The following HS3ST4 variants were observed in gnomAD, a reference collection of about 807,000 sequenced individuals.
HS3ST4 encodes heparan sulfate glucosamine 3-O-sulfotransferase 4.
HS3ST4 carries 17 observed loss-of-function variants against 29.2 expected under a neutral mutation model. That is an observed-to-expected ratio of 0.58 (90% CI 0.40 to 0.87). HS3ST4 has a LOEUF of 0.87. Among genes scored for constraint, HS3ST4 ranks in the 40% least tolerant of loss-of-function variants. The pLI, the probability that HS3ST4 is intolerant of heterozygous loss-of-function variation, is 0.00. For missense variants in HS3ST4, 627 were observed against 634.5 expected, an observed-to-expected ratio of 0.99 and a Z score of 0.13; for synonymous variants, 314 against 285.7, an observed-to-expected ratio of 1.10 and a Z score of -1.00.
At chr16:25,986,002 G>C (rs552792020) in intron 1 of HS3ST4, among the ~76,000 whole-genome samples, 5 of 152,180 alleles carry the variant, frequency 3.3e-5, no homozygotes, top group African/African-American at 1.2e-4. Context: ...TCCCCTTAAA[G>C]CCTACATTAA....
At chr16:25,700,061 A>G (rs1966324685) in intron 1 of HS3ST4, among the ~76,000 whole-genome samples, 1 of 152,078 alleles carries the variant, frequency 6.6e-6, no homozygotes, top group African/African-American at 2.4e-5. Flanking sequence ...TTTTCATTTA[A>G]ATGTAGTCTT....
At chr16:26,123,732 G>A (rs1249614551) in intron 1 of HS3ST4, among the ~76,000 whole-genome samples, 1 of 151,992 alleles carries the variant, frequency 6.6e-6, no homozygotes, top group Non-Finnish European at 1.5e-5. Flanking sequence ...CACCTTCATA[G>A]CTTAGCTCCC....
chr16:25,900,003 A>T (rs1011016250), intron 1 of HS3ST4, among the ~76,000 whole-genome samples: 1 of 152,210 alleles, frequency 6.6e-6, no homozygotes, highest in Admixed American at 6.5e-5. Context: ...TTCCTGGTTA[A>T]ATAAATCATA....
intron 1 of HS3ST4, among the ~76,000 whole-genome samples, chr16:26,133,959 GT>G (rs1458912954): frequency 3.3e-5 from 5 of 152,158 alleles, no homozygotes; most frequent in Non-Finnish European, 7.3e-5. Flanking sequence ...TATTGAACAG[GT>G]TTATCTTCAA....
intron 1 of HS3ST4, among the ~76,000 whole-genome samples, chr16:25,707,022 G>C (rs543814363): frequency 7.0e-4 from 106 of 152,140 alleles, no homozygotes; most frequent in Non-Finnish European, 1.2e-3. Context: ...TGCCACCCAG[G>C]ATGTGAATTA....
intron 1 of HS3ST4, among the ~76,000 whole-genome samples, chr16:25,958,250 C>A (rs925599910): frequency 5.3e-5 from 8 of 152,170 alleles, no homozygotes; most frequent in Non-Finnish European, 8.8e-5. Flanking sequence ...AAGAAATCAC[C>A]CTGAAACTTA....
intron 1 of HS3ST4, among the ~76,000 whole-genome samples, chr16:25,871,548 G>T (rs936486158): frequency 6.6e-6 from 1 of 152,042 alleles, no homozygotes; most frequent in East Asian, 1.9e-4. Context: ...GGTGAACCCG[G>T]TACTTGTACG....
intron 1 of HS3ST4, among the ~76,000 whole-genome samples, chr16:25,762,248 C>T (rs545865540): frequency 1.3e-5 from 2 of 152,322 alleles, no homozygotes; most frequent in African/African-American, 4.8e-5. Context: ...TATTCCGTTA[C>T]AGCAGCACAG....
intron 1 of HS3ST4, among the ~76,000 whole-genome samples, chr16:25,827,323 G>T (rs78601925): frequency 0.086 from 13,081 of 152,086 alleles, 696 homozygotes; most frequent in African/African-American, 0.15. Context: ...CTTCGTTCAA[G>T]CAATAAGCAG....
chr16:25,762,226 CAG>C (rs1211775790), intron 1 of HS3ST4, among the ~76,000 whole-genome samples: 4 of 152,150 alleles, frequency 2.6e-5, no homozygotes, highest in Non-Finnish European at 4.4e-5. Context: ...TTTAAGCCAA[CAG>C]AGTCTATGGT....
At chr16:25,922,504 G>A (rs1177170700) in intron 1 of HS3ST4, among the ~76,000 whole-genome samples, 1 of 152,192 alleles carries the variant, frequency 6.6e-6, no homozygotes, top group African/African-American at 2.4e-5. Flanking sequence ...CCCAGGCTAT[G>A]GTGTTTTGTT....
At position 26,031,542 on chromosome 16, in the gene HS3ST4, C is replaced by T. The variant is rs147077470; in HGVS notation, c.735-104070C>T. ...AAAGGCAAGCTTGATTATCGTTGCA[C>T]TTATTTTGACTAGGCGAGTGTTAGA... On this transcript the variant is annotated intron_variant, in intron 1 of 1. Coordinates refer to ENST00000331351, the MANE Select transcript of HS3ST4 (RefSeq NM_006040.3). Among the ~76,000 whole-genome samples, 15 of 152,184 alleles carry T rather than the reference C, an allele frequency of 9.9e-5. 1 individual carries two copies. In the East Asian group the frequency reaches 2.7e-3, roughly 27 times the overall value.
At position 26,135,957 on chromosome 16, in the gene HS3ST4, C is replaced by G; in HGVS notation, c.1080C>G (p.Leu360=). 6.2e-7 allele frequency: 1 copy of G among 1,613,984 alleles called. No individual in the cohort carries two copies. Among genetic ancestry groups the G allele is most frequent in the Non-Finnish European group, 8.5e-7 (1 of 1,179,874 alleles). ...TCCTCTTTGTCAGTGGTGAGCGACT[C>G]ATTGTGGACCCCGCCGGGGAAATGG... The part of the protein sequence containing the change: ...SQILFVSGER[L]IVDPAGEMAK... The change falls in exon 2 of 2, where the codon CTC becomes CTG. Residue 360 remains leucine, a synonymous_variant. Coordinates refer to ENST00000331351, the MANE Select transcript of HS3ST4 (RefSeq NM_006040.3).
chr16:25,748,491 A>G (rs937949533), intron 1 of HS3ST4, among the ~76,000 whole-genome samples: 11 of 152,186 alleles, frequency 7.2e-5, no homozygotes, highest in Non-Finnish European at 5.9e-5. Flanking sequence ...ATATTATGCA[A>G]ACATTAAGAA....
chr16:26,133,406 C>G (rs1899445102), intron 1 of HS3ST4, among the ~76,000 whole-genome samples: 1 of 152,106 alleles, frequency 6.6e-6, no homozygotes, highest in Admixed American at 6.5e-5. Flanking sequence ...AATCTGATTC[C>G]CAGGGGCTGC....
chr16:25,902,662 A>T (rs1045121470), intron 1 of HS3ST4, among the ~76,000 whole-genome samples: 2 of 152,122 alleles, frequency 1.3e-5, no homozygotes, highest in African/African-American at 4.8e-5. Context: ...CTCTGGGTAC[A>T]GAAGGGAGGT....
At chr16:25,889,810 T>C (rs1288454329) in intron 1 of HS3ST4, among the ~76,000 whole-genome samples, 2 of 152,120 alleles carry the variant, frequency 1.3e-5, no homozygotes, top group African/African-American at 4.8e-5. Flanking sequence ...TAGGAGGTAA[T>C]TGAATCATTG....
intron 1 of HS3ST4, among the ~76,000 whole-genome samples, chr16:25,748,714 A>T (rs1036196118): frequency 6.6e-6 from 1 of 152,246 alleles, no homozygotes; most frequent in Non-Finnish European, 1.5e-5. Context: ...GTCCTAGGTT[A>T]ACTGATTGAA....
chr16:25,903,385 A>C (rs898226846), intron 1 of HS3ST4, among the ~76,000 whole-genome samples: 1 of 146,854 alleles, frequency 6.8e-6, no homozygotes, highest in Non-Finnish European at 1.5e-5. Context: ...ATATATATAA[A>C]ATCACATATC....
Sources: allele counts gnomAD v4.1 joint callset (sites outside exome capture counted in the v4.1 genomes callset), GRCh38; gene constraint gnomAD v4.1.1; transcripts MANE v1.5; gene names NCBI Gene and HGNC (gene_info 2026-07-23, HGNC 2026-07-21).